Variants in CELF2 observed in about 807,000 individuals in gnomAD.
The protein encoded by CELF2 is CUG triplet repeat RNA-binding protein 2.
In CELF2, 8 loss-of-function variants were observed where a neutral mutation model predicts 62.6. That is an observed-to-expected ratio of 0.13 (90% CI 0.07 to 0.23). The LOEUF (loss-of-function observed/expected upper bound fraction) is 0.23, where lower values mean the gene tolerates loss of function less well. Ranked by LOEUF, CELF2 falls within the 10% of genes least tolerant of loss-of-function variation. CELF2 has a pLI of 1.00. For synonymous variants in CELF2, 258 were observed against 250.0 expected, an observed-to-expected ratio of 1.03 and a Z score of -0.30; for missense variants, 333 against 671.0, an observed-to-expected ratio of 0.50 and a Z score of 5.56.
At position 11,145,185 on chromosome 10, in the gene CELF2, GA is replaced by G. The variant is rs1252423680; in HGVS notation, c.75-20296del. On this transcript the variant is annotated intron_variant, in intron 1 of 12. Coordinates refer to ENST00000633077, the MANE Select transcript of CELF2 (RefSeq NM_001326342.2). This position sits in a 1 kb window ranked among gnomAD's most constrained non-coding sequence, Gnocchi z 4.3. ...TTATATTTACCATAATCCATGAAAG[GA>G]AAAAGCCCAGGCTAAAAATACAGAA... Among the ~76,000 whole-genome samples the G allele has an allele frequency of 1.3e-5, 2 of 152,180 alleles. No individual in the cohort carries two copies. Among genetic ancestry groups the G allele is most frequent in the African/African-American group, 4.8e-5 (2 of 41,438 alleles).
rs567820766 is a variant in CELF2 at position 11,227,130 on chromosome 10, C to A, written c.354+9623C>A. Reference sequence around the variant, plus strand: ...AGCTTTAGGCAGCAGGACAAGAGGCCGAGGTTGTGAAACAAACGGAAACCT... The same window carrying A: ...AGCTTTAGGCAGCAGGACAAGAGGCAGAGGTTGTGAAACAAACGGAAACCT... On this transcript the variant is annotated intron_variant, in intron 3 of 12. Transcript: ENST00000633077. The surrounding 1 kb of genome is among the most constrained non-coding windows in gnomAD (Gnocchi z 4.8). Among the ~76,000 whole-genome samples, 2 of 152,244 alleles carry A rather than the reference C, an allele frequency of 1.3e-5. No homozygotes were observed. Among genetic ancestry groups the A allele is most frequent in the African/African-American group, 2.4e-5 (1 of 41,528 alleles).
At chr10:10,516,738 A>T in the CELF2 span, among the ~76,000 whole-genome samples, 4 of 151,438 alleles carry the variant, frequency 2.6e-5, no homozygotes, top group Admixed American at 1.3e-4. Context: ...CATCATTAAA[A>T]AAAAAAAAAG....
At chr10:11,014,577 T>C (rs955523989), upstream of CELF2, among the ~76,000 whole-genome samples, 1 of 152,168 alleles carries the variant, frequency 6.6e-6, no homozygotes, top group Non-Finnish European at 1.5e-5. Context: ...TCAAGCAGTT[T>C]GTACTCTGCG....
chr10:11,222,787 A>G (rs1245373316), intron 3 of CELF2, among the ~76,000 whole-genome samples: 1 of 152,216 alleles, frequency 6.6e-6, no homozygotes, highest in Non-Finnish European at 1.5e-5. Context: ...TTATTTTCTA[A>G]AAAAAGATAA....
chr10:10,617,879 C>T, the CELF2 span, among the ~76,000 whole-genome samples: 1 of 151,956 alleles, frequency 6.6e-6, no homozygotes, highest in Admixed American at 6.5e-5. Flanking sequence ...TCAATAACAC[C>T]CTATTTATTT....
chr10:11,093,956 T>C (rs1459781261), intron 1 of CELF2, among the ~76,000 whole-genome samples: 1 of 152,232 alleles, frequency 6.6e-6, no homozygotes, highest in African/African-American at 2.4e-5. Context: ...TAGTAGCCAC[T>C]TAACAATTGG....
At chr10:11,018,441 A>G (rs1222034914) in intron 1 of CELF2, among the ~76,000 whole-genome samples, 1 of 146,864 alleles carries the variant, frequency 6.8e-6, no homozygotes, top group Non-Finnish European at 1.5e-5. Flanking sequence ...GGTGAGGACC[A>G]GCGGGCCGAG....
At chr10:10,757,405 G>T in the CELF2 span, among the ~76,000 whole-genome samples, 1 of 152,082 alleles carries the variant, frequency 6.6e-6, no homozygotes, top group African/African-American at 2.4e-5. Flanking sequence ...GCTGCAGTGG[G>T]AATTATCATA....
chr10:10,689,610 GA>G, the CELF2 span, among the ~76,000 whole-genome samples: 2 of 152,100 alleles, frequency 1.3e-5, no homozygotes, highest in Non-Finnish European at 2.9e-5. Context: ...ATTACTCATG[GA>G]TAGTTTATGA....
In CELF2 at chr10:11,156,722, C is replaced by T. The variant is rs2064499908; in HGVS notation, c.75-8764C>T. ...TCCACCATGCACTTGATGGGGCTTC[C>T]GTGAATCGCTGTTTCTGAGGTTCCG... On this transcript the variant is annotated intron_variant, in intron 1 of 12. Transcript: ENST00000633077. The surrounding 1 kb of genome is among the most constrained non-coding windows in gnomAD (Gnocchi z 4.3). 1.3e-5 allele frequency among the ~76,000 whole-genome samples: 2 copies of T among 152,088 alleles called. No individual in the cohort carries two copies. Among genetic ancestry groups the T allele is most frequent in the Admixed American group, 6.6e-5 (1 of 15,258 alleles).
At chr10:11,215,733 G>A (rs758104805) in intron 2 of CELF2, among the ~76,000 whole-genome samples, 2 of 152,178 alleles carry the variant, frequency 1.3e-5, no homozygotes, top group Non-Finnish European at 2.9e-5. Context: ...GAAGCGTTTA[G>A]TAAGGCTTGT....
At chr10:10,765,511 C>T in the CELF2 span, among the ~76,000 whole-genome samples, 1 of 152,160 alleles carries the variant, frequency 6.6e-6, no homozygotes, top group Non-Finnish European at 1.5e-5. Flanking sequence ...TGTATTGACT[C>T]CCCGACCACA....
chr10:10,803,367 G>A (rs1399798530), intron 1 of CELF2, among the ~76,000 whole-genome samples: 1 of 152,144 alleles, frequency 6.6e-6, no homozygotes, highest in Non-Finnish European at 1.5e-5. Flanking sequence ...TCTCCCCACA[G>A]CTCACATTGC....
the CELF2 span, among the ~76,000 whole-genome samples, chr10:10,498,498 G>T: frequency 6.6e-6 from 1 of 152,220 alleles, no homozygotes; most frequent in Non-Finnish European, 1.5e-5. Context: ...AGGACAGTAA[G>T]AGATGAGGTG....
intron 2 of CELF2, among the ~76,000 whole-genome samples, chr10:10,979,958 G>A (rs1457559730): frequency 6.6e-6 from 1 of 152,186 alleles, no homozygotes; most frequent in Non-Finnish European, 1.5e-5. Flanking sequence ...AAAGTCAAGG[G>A]CATTGTTTTT....
chr10:10,746,320 A>G, the CELF2 span, among the ~76,000 whole-genome samples: 1 of 148,450 alleles, frequency 6.7e-6, no homozygotes, highest in South Asian at 2.1e-4. Context: ...TTTAATATTC[A>G]ATTATGCATT....
At chr10:10,943,690 T>G (rs2047304078) in intron 2 of CELF2, among the ~76,000 whole-genome samples, 1 of 152,068 alleles carries the variant, frequency 6.6e-6, no homozygotes, top group African/African-American at 2.4e-5. Context: ...CCTCTGCTTC[T>G]CGGGTTCCAG....
At chr10:10,893,547 A>G (rs929357318) in intron 1 of CELF2, among the ~76,000 whole-genome samples, 1 of 152,204 alleles carries the variant, frequency 6.6e-6, no homozygotes, top group Non-Finnish European at 1.5e-5. Flanking sequence ...AGGTGTATTC[A>G]TCCATTCTCA....
rs992795598 is a variant in CELF2 at position 11,165,016 on chromosome 10, C to A, written c.75-470C>A. On this transcript the variant is annotated intron_variant, in intron 1 of 12. Coordinates refer to ENST00000633077, the MANE Select transcript of CELF2 (RefSeq NM_001326342.2). The surrounding 1 kb of genome is among the most constrained non-coding windows in gnomAD (Gnocchi z 7.4). Reference sequence around the variant, plus strand: ...ATTATTACCACCTCTCTCCTCTCTTCCAAAAACCTCCCAAAAAGGGCGGTG... The same window carrying A: ...ATTATTACCACCTCTCTCCTCTCTTACAAAAACCTCCCAAAAAGGGCGGTG... 6.1e-6 allele frequency: 6 copies of A among 976,910 alleles called. No homozygotes were observed. In the African/African-American group the frequency reaches 1.1e-4, roughly 17 times the overall value. The allele number at this position is 976,910 out of a possible 1,614,324, so 60.5% of individuals were successfully genotyped here.
Sources: allele counts gnomAD v4.1 joint callset (sites outside exome capture counted in the v4.1 genomes callset), GRCh38; gene constraint gnomAD v4.1.1; non-coding constraint Gnocchi (gnomAD v3.1); transcripts MANE v1.5; gene names NCBI Gene and HGNC (gene_info 2026-07-23, HGNC 2026-07-21).